Variants in NR2F2 observed in about 807,000 individuals in gnomAD.
NR2F2 encodes the protein nuclear receptor subfamily 2 group F member 2, also known as COUP transcription factor 2.
In NR2F2, 2 loss-of-function variants were observed where a neutral mutation model predicts 34.8. That is an observed-to-expected ratio of 0.06 (90% CI 0.02 to 0.18). NR2F2 has a LOEUF of 0.18. NR2F2 is among the 10% of genes least tolerant of loss of function. NR2F2 has a pLI of 1.00. For synonymous variants in NR2F2, 274 were observed against 251.8 expected (o/e 1.09, Z -0.84); for missense variants, 300 against 580.1 (o/e 0.52, Z 4.96).
chr15:96,330,842 T>C lies in NR2F2; in HGVS notation c.-1264T>C, dbSNP rs1294073058. ...CGTGCGCGCGTGTGTGTTTTCTTCTTCTCCTCCTCCTCTCCCCGAGTTGCC... is the reference window on the plus strand; with the variant it reads ...CGTGCGCGCGTGTGTGTTTTCTTCTCCTCCTCCTCCTCTCCCCGAGTTGCC... On this transcript the variant is annotated 5_prime_UTR_variant, in exon 1 of 3. Transcript: ENST00000394166. 2.2e-5 allele frequency: 25 copies of C among 1,154,148 alleles called. No individual in the cohort carries two copies. Among genetic ancestry groups the C allele is most frequent in the Admixed American group, 9.5e-5 (2 of 20,952 alleles). The allele number at this position is 1,154,148 out of a possible 1,614,324, so 71.5% of individuals were successfully genotyped here. A position where few individuals can be genotyped will look rare whatever the true frequency, so the allele number is the denominator to read the frequency against.
At chr15:96,327,340 T>G (rs939112551), upstream of NR2F2, 2 of 152,150 alleles carry the variant, frequency 1.3e-5, no homozygotes, top group African/African-American at 2.4e-5. Flanking sequence ...CCTACGTGAG[T>G]CCAAAGTCGT....
At chr15:96,326,347 GT>G, upstream of NR2F2, 1 of 1,612,836 alleles carries the variant, frequency 6.2e-7, no homozygotes, top group Non-Finnish European at 8.5e-7. This position sits in a 1 kb window ranked among gnomAD's most constrained non-coding sequence, Gnocchi z 5.5. Flanking sequence ...GGCAAATATG[GT>G]TTTGGTATGT....
chr15:96,333,563 G>A lies in NR2F2; in HGVS notation c.443-513G>A, dbSNP rs567596788. On this transcript the variant is annotated intron_variant, in intron 1 of 2. Transcript: ENST00000394166. ...TCCGCTCTCTGCTTGTCTCTCACTG[G>A]GGGGGTTCCCCGCCGGGCTGGGGCT... 163 of 1,014,140 alleles carry A rather than the reference G, an allele frequency of 1.6e-4. No individual in the cohort carries two copies. In the East Asian group the frequency reaches 0.012, roughly 74 times the overall value. The allele number at this position is 1,014,140 out of a possible 1,614,324, so 62.8% of individuals were successfully genotyped here. A position where few individuals can be genotyped will look rare whatever the true frequency, so the allele number is the denominator to read the frequency against.
chr15:96,336,942 CTAT>C (rs1366661123), intron 2 of NR2F2, among the ~76,000 whole-genome samples: 2 of 151,972 alleles, frequency 1.3e-5, no homozygotes, highest in Non-Finnish European at 2.9e-5. Flanking sequence ...ATAAGCCAAA[CTAT>C]TATTTACAGA....
In NR2F2 at chr15:96,331,253, A is replaced by T. The variant is rs974681855; in HGVS notation, c.-853A>T. On this transcript the variant is annotated 5_prime_UTR_variant, in exon 1 of 3. Transcript: ENST00000394166. ...ACTGCGGGCGGCGGCGGCCGGAGAG[A>T]GCGAGGCGCGCGCCGGACGCCCGGG... 1 of 988,502 alleles carries T rather than the reference A, an allele frequency of 1.0e-6. No homozygotes were observed. The highest frequency in any genetic ancestry group is 1.2e-6 in the Non-Finnish European group (1 of 834,014). 61.2% of individuals were successfully genotyped at this position (988,502 alleles called of 1,614,324 possible).
rs760988070 is a variant in NR2F2 at position 96,334,619 on chromosome 15, GTC to G, written c.970+18_970+19del. On this transcript the variant is annotated intron_variant, in intron 2 of 2. Coordinates refer to ENST00000394166, the MANE Select transcript of NR2F2 (RefSeq NM_021005.4). ...TTCACCTCAGGTAGGAAGGAGCCCT[GTC>G]TTCTCGTGCCCACGGGCTCCTAGCC... The G allele has an allele frequency of 1.6e-5, 25 of 1,570,844 alleles. No homozygotes were observed. The highest frequency in any genetic ancestry group is 1.8e-5 in the Admixed American group (1 of 55,316).
At chr15:96,333,242 G>T in intron 1 of NR2F2, 1 of 691,210 alleles carries the variant, frequency 1.4e-6, no homozygotes, top group South Asian at 6.6e-5. Context: ...GCCGCGAGCC[G>T]TGCTTTGCCA....
Position 96,331,042 on chromosome 15 carries a change from A to AGGCGGC in NR2F2, c.-1057_-1052dup, listed in dbSNP as rs1313883301. 25 of 1,238,240 alleles carry AGGCGGC rather than the reference A, an allele frequency of 2.0e-5. No individual in the cohort carries two copies. In the East Asian group the frequency reaches 7.9e-4, roughly 39 times the overall value. The allele number at this position is 1,238,240 out of a possible 1,614,324, so 76.7% of individuals were successfully genotyped here. On this transcript the variant is annotated 5_prime_UTR_variant, in exon 1 of 3. Coordinates refer to ENST00000394166, the MANE Select transcript of NR2F2 (RefSeq NM_021005.4). ...AGTTGACTCTTTCCCTATGTGTGTG[A>AGGCGGC]GGCGGCGGCGGCAGCAGCAGCAGCA... is the stretch of plus-strand genomic sequence containing the variant.
At chr15:96,336,512 C>A (rs1899331692) in intron 2 of NR2F2, among the ~76,000 whole-genome samples, 2 of 152,062 alleles carry the variant, frequency 1.3e-5, no homozygotes, top group Admixed American at 6.6e-5. Context: ...GTATGGGGAG[C>A]CCTGAAAGGT....
rs1899112158 is a variant in NR2F2 at position 96,330,801 on chromosome 15, C to A, written c.-1305C>A. 3 of 1,048,052 alleles carry A rather than the reference C, an allele frequency of 2.9e-6. No individual in the cohort carries two copies. In the South Asian group the frequency reaches 1.4e-4, roughly 50 times the overall value. 64.9% of individuals were successfully genotyped at this position (1,048,052 alleles called of 1,614,324 possible). A position where few individuals can be genotyped will look rare whatever the true frequency, so the allele number is the denominator to read the frequency against. ...ACTTTGATTCTCTGTTCTTTTCTCT[C>A]CGCGGTGTGTGTGTGCGTGCGCGCG... is the stretch of plus-strand genomic sequence containing the variant. On this transcript the variant is annotated 5_prime_UTR_variant, in exon 1 of 3. Coordinates refer to ENST00000394166, the MANE Select transcript of NR2F2 (RefSeq NM_021005.4).
intron 2 of NR2F2, among the ~76,000 whole-genome samples, chr15:96,335,405 A>G (rs1279313689): frequency 6.6e-6 from 1 of 152,268 alleles, no homozygotes; most frequent in South Asian, 2.1e-4. Context: ...TGTGAGTAAT[A>G]GAGCTGATAC....
upstream of NR2F2, among the ~76,000 whole-genome samples, chr15:96,330,422 C>CGGCGGT (rs1420731802): frequency 2.7e-5 from 4 of 147,322 alleles, no homozygotes; most frequent in African/African-American, 9.8e-5. Context: ...GCGGCGGCGG[C>CGGCGGT]GCGGCCACCC....
chr15:96,329,687 C>G (rs1234346840), upstream of NR2F2, among the ~76,000 whole-genome samples: 3 of 152,120 alleles, frequency 2.0e-5, no homozygotes, highest in Non-Finnish European at 4.4e-5. Context: ...ACAGGGGAGG[C>G]TGGGCGGCTG....
chr15:96,336,551 A>G (rs1387034188), intron 2 of NR2F2, among the ~76,000 whole-genome samples: 2 of 152,084 alleles, frequency 1.3e-5, no homozygotes, highest in Non-Finnish European at 1.5e-5. Flanking sequence ...GCCTTTACCA[A>G]GAAGCTTCTC....
chr15:96,335,555 T>TGG (rs1899299760), intron 2 of NR2F2, among the ~76,000 whole-genome samples: 1 of 152,214 alleles, frequency 6.6e-6, no homozygotes, highest in South Asian at 2.1e-4. Flanking sequence ...CACATTCTTG[T>TGG]ACTAAGTTGT....
In NR2F2 at chr15:96,339,272, G is replaced by GT. The variant is rs1477362147; in HGVS notation, c.*1651dup. On this transcript the variant is annotated 3_prime_UTR_variant, in exon 3 of 3. Coordinates refer to ENST00000394166, the MANE Select transcript of NR2F2 (RefSeq NM_021005.4). ...GTTCAAGCAAGCTAATCACAGCATT[G>GT]TAACTAGAGGACAGTTGTTTGCAGT... 6 of 152,144 alleles carry GT rather than the reference G, an allele frequency of 3.9e-5. No individual in the cohort carries two copies. The highest frequency in any genetic ancestry group is 8.8e-5 in the Non-Finnish European group (6 of 68,026). The allele number at this position is 152,144 out of a possible 1,614,324, so 9.4% of individuals were successfully genotyped here.
upstream of NR2F2, chr15:96,326,306 G>C: frequency 6.2e-7 from 1 of 1,613,256 alleles, no homozygotes; most frequent in East Asian, 2.2e-5. This position sits in a 1 kb window ranked among gnomAD's most constrained non-coding sequence, Gnocchi z 5.5. Flanking sequence ...AGTTTAGGAG[G>C]AAGATGCAAG....
At chr15:96,326,493 AG>A (rs1596418155), upstream of NR2F2, 19 of 577,114 alleles carry the variant, frequency 3.3e-5, no homozygotes, top group East Asian at 6.8e-4. The surrounding 1 kb of genome is among the most constrained non-coding windows in gnomAD (Gnocchi z 5.5). Flanking sequence ...CTGTGGTTTA[AG>A]GGGTTCGGGG....
rs926596162 is a variant in NR2F2, at chr15:96,338,679, G to A, written c.*1057G>A. The A allele has an allele frequency of 1.3e-5, 2 of 152,004 alleles. No homozygotes were observed. The highest frequency in any genetic ancestry group is 4.8e-5 in the African/African-American group (2 of 41,242). The allele number at this position is 152,004 out of a possible 1,614,324, so 9.4% of individuals were successfully genotyped here. A position where few individuals can be genotyped will look rare whatever the true frequency, so the allele number is the denominator to read the frequency against. ...CAGTTTGTGTTTTAAAAAAACTGAAGGTTTTTTTTTTAAGTGCAACATTTC... is the reference window on the plus strand; with the variant it reads ...CAGTTTGTGTTTTAAAAAAACTGAAAGTTTTTTTTTTAAGTGCAACATTTC... On this transcript the variant is annotated 3_prime_UTR_variant, in exon 3 of 3. Transcript: ENST00000394166.
Sources: gnomAD v4.1 joint callset for allele counts (sites outside exome capture counted in the v4.1 genomes callset) on GRCh38, gnomAD v4.1.1 for gene constraint, Gnocchi (gnomAD v3.1) non-coding constraint, MANE v1.5 for transcripts, NCBI Gene and HGNC (gene_info 2026-07-23, HGNC 2026-07-21) for gene names.